The following MTF1 variants were observed in gnomAD, a reference collection of about 807,000 sequenced individuals.
The protein encoded by MTF1 is metal regulatory transcription factor 1, also known as MRE-binding transcription factor.
A neutral mutation model predicts 70.4 loss-of-function variants in MTF1; 22 were observed. That is an observed-to-expected ratio of 0.31 (90% confidence interval 0.22 to 0.45). The LOEUF is 0.45. Ranked by LOEUF, MTF1 falls within the 20% of genes least tolerant of loss-of-function variation. The pLI is 1.00. For synonymous variants in MTF1, 333 were observed against 352.8 expected (o/e 0.94, Z 0.63); for missense variants, 649 against 922.0 (o/e 0.70, Z 3.83).
intron 9 of MTF1, among the ~76,000 whole-genome samples, chr1:37,821,588 C>T (rs927962359): frequency 1.1e-4 from 17 of 152,298 alleles, no homozygotes; most frequent in African/African-American, 3.9e-4. Context: ...ATTGGCCACC[C>T]TGAGACAATT....
chr1:37,815,625 G>A lies in MTF1; in HGVS notation c.1832-59C>T. 1 of 1,352,206 alleles carries A rather than the reference G, an allele frequency of 7.4e-7. No individual in the cohort carries two copies. Among genetic ancestry groups the A allele is most frequent in the Non-Finnish European group, 1.0e-6 (1 of 986,270 alleles). 83.8% of individuals were successfully genotyped at this position (1,352,206 alleles called of 1,614,324 possible). On this transcript the variant is annotated intron_variant, in intron 10 of 10. Coordinates refer to ENST00000373036, the MANE Select transcript of MTF1 (RefSeq NM_005955.3). The surrounding 1 kb of genome is among the most constrained non-coding windows in gnomAD (Gnocchi z 4.5). Reference sequence around the variant, plus strand: ...TAGCTGCAGGGGCAGGAGCATGAGGGACAGGGATACATGGACTAGGTGAGA... The same window carrying A: ...TAGCTGCAGGGGCAGGAGCATGAGGAACAGGGATACATGGACTAGGTGAGA...
intron 2 of MTF1, 53 bp downstream of exon 2, chr1:37,857,198 T>G (rs1057513351): frequency 5.8e-6 from 9 of 1,556,394 alleles, no homozygotes; most frequent in South Asian, 4.8e-5. Flanking sequence ...CCAAGAATTT[T>G]GTAAGGACTT....
In MTF1 at chr1:37,815,989, C is replaced by A. The variant is rs567114678; in HGVS notation, c.1832-423G>T. Among the ~76,000 whole-genome samples, 1 of 152,282 alleles carries A rather than the reference C, an allele frequency of 6.6e-6. No individual in the cohort carries two copies. Among genetic ancestry groups the A allele is most frequent in the East Asian group, 1.9e-4 (1 of 5,176 alleles). On this transcript the variant is annotated intron_variant, in intron 10 of 10. Transcript: ENST00000373036. The surrounding 1 kb of genome is among the most constrained non-coding windows in gnomAD (Gnocchi z 4.5). The stretch of plus-strand genomic sequence containing the variant: ...TCTTTCAAGACCTAGCTCACTCCCC[C>A]ACTCTCTGTAGGCCTATGCAGAGGA...
At chr1:37,852,618 T>A (rs1476764865) in intron 2 of MTF1, among the ~76,000 whole-genome samples, 2 of 148,224 alleles carry the variant, frequency 1.3e-5, no homozygotes, top group Admixed American at 1.4e-4. Context: ...ATCCTTTCAA[T>A]CAACATGATT....
chr1:37,852,239 AT>A, intron 2 of MTF1, among the ~76,000 whole-genome samples: 1 of 152,316 alleles, frequency 6.6e-6, no homozygotes, highest in African/African-American at 2.4e-5. Context: ...TTCTACTACT[AT>A]TCTAACTCCA....
At position 37,811,767 on chromosome 1, in the gene MTF1, G is replaced by A. The variant is rs1244455492; in HGVS notation, c.*3369C>T. 1 of 152,122 alleles carries A rather than the reference G, an allele frequency of 6.6e-6. No individual in the cohort carries two copies. Among genetic ancestry groups the A allele is most frequent in the Non-Finnish European group, 1.5e-5 (1 of 68,002 alleles). 9.4% of individuals were successfully genotyped at this position (152,122 alleles called of 1,614,324 possible). ...AGAGAAGCCCCTTGCCTTTTACTCAGAGAGATCTTCACATCTTAAGGCCCC... is the reference window on the plus strand; with the variant it reads ...AGAGAAGCCCCTTGCCTTTTACTCAAAGAGATCTTCACATCTTAAGGCCCC... On this transcript the variant is annotated 3_prime_UTR_variant, in exon 11 of 11. Transcript: ENST00000373036.
chr1:37,848,234 C>T (rs1404052718), intron 2 of MTF1, among the ~76,000 whole-genome samples: 1 of 152,196 alleles, frequency 6.6e-6, no homozygotes, highest in African/African-American at 2.4e-5. Flanking sequence ...AGCAAATGAA[C>T]ATCCAGCGAA....
intron 5 of MTF1, 53 bp downstream of exon 5, chr1:37,835,618 A>ATGGAAAATTGATAG: frequency 7.3e-7 from 1 of 1,366,392 alleles, no homozygotes; most frequent in Non-Finnish European, 1.0e-6. Flanking sequence ...ACAGGTCTCA[A>ATGGAAAATTGATAG]TGGAAAATTG....
chr1:37,858,860 A>C (rs189154908), intron 1 of MTF1, among the ~76,000 whole-genome samples: 4 of 152,350 alleles, frequency 2.6e-5, no homozygotes, highest in Admixed American at 2.6e-4. Context: ...CAGGCTCTAC[A>C]AATGTGGGTT....
At position 37,835,082 on chromosome 1, in the gene MTF1, T is replaced by G. The variant is rs752450760; in HGVS notation, c.987A>C (p.Ser329=). 8 of 1,614,136 alleles carry G rather than the reference T, an allele frequency of 5.0e-6. No individual in the cohort carries two copies. In the Admixed American group the frequency reaches 1.2e-4, roughly 24 times the overall value. ...AAGAGACAAAAACACTACACACCTC[T>G]GATCCATTGTGTTGTGGAAGTGCAT... ...SYNALPQHNG[S]EDTNHSLCLS... Residue 329 remains serine (S), a synonymous_variant, in exon 6 of 11, where the codon TCA becomes TCC. Coordinates refer to ENST00000373036, the MANE Select transcript of MTF1 (RefSeq NM_005955.3).
In MTF1 at chr1:37,814,993, G is replaced by A. The variant is rs1328370903; in HGVS notation, c.*143C>T. On this transcript the variant is annotated 3_prime_UTR_variant, in exon 11 of 11. Coordinates refer to ENST00000373036, the MANE Select transcript of MTF1 (RefSeq NM_005955.3). ...CTTAAAATGGATGCTCCTGGGATGT[G>A]AATAAAGAAAATACGTCTGAAAGGT... 5 of 710,896 alleles carry A rather than the reference G, an allele frequency of 7.0e-6. No homozygotes were observed. The highest frequency in any genetic ancestry group is 2.9e-5 in the Admixed American group (1 of 34,364). 44.0% of individuals were successfully genotyped at this position (710,896 alleles called of 1,614,324 possible). A position where few individuals can be genotyped will look rare whatever the true frequency, so the allele number is the denominator to read the frequency against.
chr1:37,835,730 C>A lies in MTF1; in HGVS notation c.794G>T (p.Gly265Val). 1 of 1,613,982 alleles carries A rather than the reference C, an allele frequency of 6.2e-7. No homozygotes were observed. The highest frequency in any genetic ancestry group is 8.5e-7 in the Non-Finnish European group (1 of 1,179,944). The change falls in exon 5 of 11, where the codon GGC (glycine) becomes GTC (valine). Residue 265 changes from glycine to valine, a missense_variant. Physicochemically the swap from Gly to Val is moderately radical, Grantham distance 109. This residue lies in a region of MTF1 where 118 missense variants were observed against 287.2 expected (regional missense o/e 0.41). Coordinates refer to ENST00000373036, the MANE Select transcript of MTF1 (RefSeq NM_005955.3). ...GEKPFRCDHD[G>V]CGKAFAASHH... ...GCTTGCTGCAAATGCTTTTCCACAG[C>A]CATCGTGATCGCACCTAAATTTGTT...
chr1:37,858,026 A>AG (rs1453411575), intron 1 of MTF1, among the ~76,000 whole-genome samples: 4 of 151,640 alleles, frequency 2.6e-5, no homozygotes, highest in Non-Finnish European at 4.4e-5. Context: ...AAAAAAAAAA[A>AG]AAAAAGAAAA....
chr1:37,816,941 C>T (rs567979711), intron 10 of MTF1, among the ~76,000 whole-genome samples: 2 of 152,304 alleles, frequency 1.3e-5, no homozygotes, highest in East Asian at 3.9e-4. Flanking sequence ...TTTGGTTCCA[C>T]CACAGATTCA....
intron 8 of MTF1, 108 bp downstream of exon 8, chr1:37,823,602 T>A (rs72661844): frequency 0.065 from 51,198 of 785,564 alleles, 2,013 homozygotes; most frequent in Non-Finnish European, 0.083. Context: ...TTCTGACCCT[T>A]TATAGAAAGC....
Position 37,814,530 on chromosome 1 carries a change from G to C in MTF1, c.*606C>G, listed in dbSNP as rs141213302. The C allele has an allele frequency of 1.3e-5, 2 of 154,100 alleles. No homozygotes were observed. Among genetic ancestry groups the C allele is most frequent in the South Asian group, 2.0e-4 (1 of 4,906 alleles). The allele number at this position is 154,100 out of a possible 1,614,324, so 9.5% of individuals were successfully genotyped here. Reference sequence around the variant, plus strand: ...TTAAGCTGCCTATTTGTGCTGAAGCGGGCTGCAGAACGACCCGTGTTATCC... The same window carrying C: ...TTAAGCTGCCTATTTGTGCTGAAGCCGGCTGCAGAACGACCCGTGTTATCC... On this transcript the variant is annotated 3_prime_UTR_variant, in exon 11 of 11. Transcript: ENST00000373036.
Position 37,815,806 on chromosome 1 carries a change from T to C in MTF1, c.1832-240A>G, listed in dbSNP as rs564158775. On this transcript the variant is annotated intron_variant, in intron 10 of 10. Coordinates refer to ENST00000373036, the MANE Select transcript of MTF1 (RefSeq NM_005955.3). The surrounding 1 kb of genome is among the most constrained non-coding windows in gnomAD (Gnocchi z 4.5). ...TAGAAAGTCACACACACGATCTAGA[T>C]GCACCCTGTATTTCCAGCTTCATTT... is the stretch of plus-strand genomic sequence containing the variant. Among the ~76,000 whole-genome samples, 253 of 152,302 alleles carry C rather than the reference T, an allele frequency of 1.7e-3. No individual in the cohort carries two copies. The highest frequency in any genetic ancestry group is 0.01 in the Middle Eastern group (3 of 294).
At chr1:37,841,037 C>A in intron 2 of MTF1, 1 of 215,180 alleles carries the variant, frequency 4.6e-6, no homozygotes, top group South Asian at 6.5e-5. Context: ...GATCAAGTCC[C>A]TGGAGAAGGT....
intron 2 of MTF1, among the ~76,000 whole-genome samples, chr1:37,844,908 C>T (rs1319817534): frequency 6.6e-6 from 1 of 152,140 alleles, no homozygotes; most frequent in Non-Finnish European, 1.5e-5. Context: ...TCCTGTAAAG[C>T]ACATGATAAA....
Sources: allele counts gnomAD v4.1 joint callset (sites outside exome capture counted in the v4.1 genomes callset), GRCh38; gene constraint gnomAD v4.1.1; regional missense constraint gnomAD v4.1.1; non-coding constraint Gnocchi (gnomAD v3.1); transcripts MANE v1.5; gene names NCBI Gene and HGNC (gene_info 2026-07-23, HGNC 2026-07-21).